LARS1: variants seen among roughly 807,000 people sequenced by gnomAD.
LARS1 encodes the protein leucyl-tRNA synthetase 1.
A neutral mutation model predicts 162.8 loss-of-function variants in LARS1; 100 were observed. The observed-to-expected ratio is 0.61, with a 90% CI of 0.52 to 0.73. LARS1 has a LOEUF of 0.73. Among genes scored for constraint, LARS1 ranks in the 30% least tolerant of loss-of-function variants. The pLI is 0.00. For synonymous variants in LARS1, 457 were observed against 462.8 expected (o/e 0.99, Z 0.16); for missense variants, 1,258 against 1,408.9 (o/e 0.89, Z 1.71).
intron 19 of LARS1, 145 bp downstream of exon 19, chr5:146,143,267 A>AT: frequency 9.4e-7 from 1 of 1,068,710 alleles, no homozygotes; most frequent in Non-Finnish European, 1.3e-6. Context: ...CTATTTATTA[A>AT]TTTTTCCCAG....
Position 146,143,385 on chromosome 5 carries a change from G to A in LARS1, c.1877+27C>T, listed in dbSNP as rs1175725854. On this transcript the variant is annotated intron_variant, in intron 19 of 31. Transcript: ENST00000394434. ...ATCACAACTCTTACTGACAAATTAT[G>A]CTCCTTTCCCTTATCTGTTTACCAA... The A allele has an allele frequency of 3.1e-6, 5 of 1,589,012 alleles. 1 individual carries two copies. In the South Asian group the frequency reaches 3.5e-5, roughly 11 times the overall value.
At chr5:146,134,731 T>C (rs1752433956) in intron 22 of LARS1, among the ~76,000 whole-genome samples, 1 of 152,172 alleles carries the variant, frequency 6.6e-6, no homozygotes, top group Non-Finnish European at 1.5e-5. Context: ...GGTGGATCAC[T>C]TGAGGCCAAG....
At position 146,140,228 on chromosome 5, in the gene LARS1, T is replaced by A. The variant is rs761668687; in HGVS notation, c.2124A>T (p.Gly708=). 1 of 1,612,158 alleles carries A rather than the reference T, an allele frequency of 6.2e-7. No homozygotes were observed. The highest frequency in any genetic ancestry group is 2.2e-5 in the East Asian group (1 of 44,868). ...CCTTCTCAGAGTTCAGGAGGAGATG[T>A]CCATTTGCTCTCACAGCTGTAGGCC... The part of the protein sequence containing the change: ...DKWPTAVRAN[G]HLLLNSEKMS... The change falls in exon 21 of 32, where the codon GGA becomes GGT. Residue 708 remains glycine (G), a synonymous_variant. Coordinates refer to ENST00000394434, the MANE Select transcript of LARS1 (RefSeq NM_020117.11).
At chr5:146,163,063 C>T (rs1753848471) in intron 6 of LARS1, among the ~76,000 whole-genome samples, 2 of 152,192 alleles carry the variant, frequency 1.3e-5, no homozygotes, top group South Asian at 4.1e-4. Flanking sequence ...CCCACCTTGG[C>T]CTCCCAAAAT....
At chr5:146,168,341 CAACTAA>C in intron 4 of LARS1, 76 bp from the exon 5 acceptor site, 2 of 1,473,800 alleles carry the variant, frequency 1.4e-6, no homozygotes, top group Non-Finnish European at 1.8e-6. Flanking sequence ...TTTTTATTGC[CAACTAA>C]AATTGACTCT....
chr5:146,133,119 T>C, intron 22 of LARS1, 38 bp from the exon 23 acceptor site: 1 of 1,585,074 alleles, frequency 6.3e-7, no homozygotes, highest in Non-Finnish European at 8.6e-7. Context: ...ATTAAAAATA[T>C]GGTTACTGAG....
chr5:146,128,636 C>T, intron 27 of LARS1, 36 bp downstream of exon 27: 1 of 1,392,452 alleles, frequency 7.2e-7, no homozygotes, highest in South Asian at 1.4e-5. Flanking sequence ...GAGCATACAA[C>T]ACCATCAGGG....
chr5:146,167,272 G>A (rs529073650), intron 5 of LARS1, among the ~76,000 whole-genome samples: 1 of 152,164 alleles, frequency 6.6e-6, no homozygotes, highest in East Asian at 1.9e-4. Flanking sequence ...CTGTACTAAT[G>A]TTAATTCCTT....
At chr5:146,136,336 CAAG>C (rs1364544309) in intron 21 of LARS1, among the ~76,000 whole-genome samples, 1 of 152,040 alleles carries the variant, frequency 6.6e-6, no homozygotes, top group Non-Finnish European at 1.5e-5. Flanking sequence ...CATGTTCTAA[CAAG>C]AATAATAAAT....
intron 23 of LARS1, chr5:146,131,445 A>T (rs1400371398): frequency 6.6e-6 from 1 of 151,300 alleles, no homozygotes; most frequent in Admixed American, 8.0e-5. Context: ...TATAAAGCCC[A>T]AAATGCAACA....
intron 29 of LARS1, among the ~76,000 whole-genome samples, chr5:146,123,310 T>C (rs982240766): frequency 1.3e-5 from 2 of 151,948 alleles, no homozygotes; most frequent in East Asian, 1.9e-4. Flanking sequence ...TTTGCCTAAG[T>C]TGTCTGAGAC....
chr5:146,133,443 T>C (rs1048067403), intron 22 of LARS1, among the ~76,000 whole-genome samples: 1 of 152,166 alleles, frequency 6.6e-6, no homozygotes, highest in Admixed American at 6.5e-5. Flanking sequence ...TTCAGCCTCA[T>C]TTAGAGGTAG....
chr5:146,158,408 G>C (rs1355354782), intron 8 of LARS1, among the ~76,000 whole-genome samples: 1 of 152,152 alleles, frequency 6.6e-6, no homozygotes, highest in Non-Finnish European at 1.5e-5. Flanking sequence ...CATCAAAATT[G>C]AAGGCTGATT....
At chr5:146,164,576 G>T in intron 5 of LARS1, 105 bp from the exon 6 acceptor site, 1 of 1,086,166 alleles carries the variant, frequency 9.2e-7, no homozygotes, top group Non-Finnish European at 1.4e-6. Context: ...CTAAAATAAT[G>T]CTGATACATC....
chr5:146,138,719 ACT>A (rs34452275), intron 21 of LARS1: 29,646 of 152,886 alleles, frequency 0.19, 4,043 homozygotes, highest in Admixed American at 0.3. Context: ...ACAGTATGAG[ACT>A]CTGTCTCAAA....
chr5:146,154,060 G>T, intron 10 of LARS1, 80 bp from the exon 11 acceptor site: 1 of 946,516 alleles, frequency 1.1e-6, no homozygotes, highest in Non-Finnish European at 1.6e-6. Context: ...AATATTTTAA[G>T]CCCTGAGAAG....
At chr5:146,126,239 T>C (rs1436028475) in intron 28 of LARS1, among the ~76,000 whole-genome samples, 196 bp downstream of exon 28, 1 of 152,020 alleles carries the variant, frequency 6.6e-6, no homozygotes, top group Admixed American at 6.6e-5. Flanking sequence ...TCTCCCACAA[T>C]AATATTTTTC....
At chr5:146,144,598 G>A in intron 16 of LARS1, 26 bp downstream of exon 16, 2 of 1,612,838 alleles carry the variant, frequency 1.2e-6, no homozygotes, top group Admixed American at 1.7e-5. Flanking sequence ...TTGACTAGGG[G>A]AATTTTCTTG....
Position 146,138,794 on chromosome 5 carries a change from G to GAGT in LARS1, c.2148+1409_2148+1410insACT, listed in dbSNP as rs138657473. On this transcript the variant is annotated intron_variant, in intron 21 of 31. Coordinates refer to ENST00000394434, the MANE Select transcript of LARS1 (RefSeq NM_020117.11). ...AGGTGTTTATGCTCAAGATGAAACAGAATTCTATTTGGGCAAGAGATGTGC... is the reference window on the plus strand; with the variant it reads ...AGGTGTTTATGCTCAAGATGAAACAGAGTAATTCTATTTGGGCAAGAGATGTGC... 30 of 190,494 alleles carry GAGT rather than the reference G, an allele frequency of 1.6e-4. No homozygotes were observed. The South Asian group carries it at 2.9e-3, about 19-fold the overall frequency. 11.8% of individuals were successfully genotyped at this position (190,494 alleles called of 1,614,324 possible).
Sources: gnomAD v4.1 joint callset for allele counts (sites outside exome capture counted in the v4.1 genomes callset) on GRCh38, gnomAD v4.1.1 for gene constraint, MANE v1.5 for transcripts, NCBI Gene and HGNC (gene_info 2026-07-23, HGNC 2026-07-21) for gene names.